Variants in GPC5 observed in about 807,000 individuals in gnomAD.
GPC5 encodes the protein glypican-5.
GPC5 carries 47 observed loss-of-function variants against 53.9 expected under a neutral mutation model. The ratio of observed to expected loss-of-function variants is 0.87; its 90% CI spans 0.69 to 1.11. GPC5 has a LOEUF of 1.11. GPC5 is among the 50% of genes most tolerant of loss of function. The pLI, the probability that GPC5 is intolerant of heterozygous loss-of-function variation, is 0.00. For synonymous variants in GPC5, 286 were observed against 263.3 expected (o/e 1.09, Z -0.84); for missense variants, 748 against 713.1 (o/e 1.05, Z -0.56).
intron 6 of GPC5, among the ~76,000 whole-genome samples, chr13:91,945,614 G>A (rs1024128789): frequency 6.6e-6 from 1 of 152,080 alleles, no homozygotes; most frequent in African/African-American, 2.4e-5. Context: ...TTAATAGCAG[G>A]ACTTTCCTCT....
intron 7 of GPC5, among the ~76,000 whole-genome samples, chr13:92,453,616 A>G (rs562125410): frequency 3.0e-4 from 46 of 152,360 alleles, no homozygotes; most frequent in Non-Finnish European, 6.2e-4. Flanking sequence ...CATTCCTAAT[A>G]TATTCTGAAA....
At chr13:92,580,488 C>A (rs1264153704) in intron 7 of GPC5, among the ~76,000 whole-genome samples, 1 of 152,052 alleles carries the variant, frequency 6.6e-6, no homozygotes, top group African/African-American at 2.4e-5. Context: ...TATATTAAGC[C>A]TTTCTTGCAC....
intron 7 of GPC5, among the ~76,000 whole-genome samples, chr13:92,204,648 T>C (rs988028476): frequency 2.6e-5 from 4 of 152,304 alleles, no homozygotes; most frequent in African/African-American, 9.6e-5. Context: ...TGAAAGCCAT[T>C]ATGCTATTAT....
intron 5 of GPC5, among the ~76,000 whole-genome samples, chr13:91,887,813 C>A (rs1371917456): frequency 3.3e-5 from 5 of 152,168 alleles, no homozygotes; most frequent in Non-Finnish European, 5.9e-5. Flanking sequence ...AGCCATTCAA[C>A]ATGTCTCTAG....
intron 7 of GPC5, among the ~76,000 whole-genome samples, chr13:92,174,768 C>G (rs2042097751): frequency 6.6e-6 from 1 of 151,942 alleles, no homozygotes; most frequent in Admixed American, 6.6e-5. Context: ...AAACAAATAG[C>G]GATGTCATAG....
At chr13:91,443,074 G>A (rs527855117) in intron 1 of GPC5, among the ~76,000 whole-genome samples, 50 of 152,066 alleles carry the variant, frequency 3.3e-4, no homozygotes, top group Non-Finnish European at 6.6e-4. Context: ...TATTTGATTG[G>A]TTGCAATCCA....
chr13:92,111,138 T>C (rs1286670927), intron 6 of GPC5, among the ~76,000 whole-genome samples: 1 of 152,166 alleles, frequency 6.6e-6, no homozygotes, highest in African/African-American at 2.4e-5. Context: ...AGTTCTAATA[T>C]AGAGGCTTCA....
At chr13:92,352,964 T>C (rs1426402766) in intron 7 of GPC5, among the ~76,000 whole-genome samples, 1 of 152,042 alleles carries the variant, frequency 6.6e-6, no homozygotes, top group South Asian at 2.1e-4. Flanking sequence ...CTAGAAACAA[T>C]TGAAATGTGT....
chr13:92,553,484 A>T (rs1205092037), intron 7 of GPC5, among the ~76,000 whole-genome samples: 1 of 151,966 alleles, frequency 6.6e-6, no homozygotes, highest in Non-Finnish European at 1.5e-5. Flanking sequence ...TTATGATACA[A>T]ATCTATACAA....
chr13:92,129,015 A>G (rs1325587540), intron 6 of GPC5, among the ~76,000 whole-genome samples: 2 of 152,280 alleles, frequency 1.3e-5, no homozygotes, highest in East Asian at 1.9e-4. Flanking sequence ...AGCAACTGGG[A>G]GCCAAACTCA....
chr13:91,892,810 T>C (rs548430965), intron 5 of GPC5, among the ~76,000 whole-genome samples: 1 of 151,958 alleles, frequency 6.6e-6, no homozygotes. Context: ...AGTGAGTATC[T>C]GTCACTTAAT....
chr13:92,783,924 C>T (rs1243126466), intron 7 of GPC5, among the ~76,000 whole-genome samples: 1 of 152,124 alleles, frequency 6.6e-6, no homozygotes, highest in African/African-American at 2.4e-5. Flanking sequence ...CATTTTACTT[C>T]TGTTTAAATC....
intron 5 of GPC5, among the ~76,000 whole-genome samples, chr13:91,820,917 C>G (rs1446830918): frequency 6.6e-6 from 1 of 151,056 alleles, no homozygotes; most frequent in Non-Finnish European, 1.5e-5. Flanking sequence ...GAGCTGAGAT[C>G]GTGCCACTGC....
chr13:91,453,044 A>AGAGTCT (rs1555309180), intron 2 of GPC5, among the ~76,000 whole-genome samples: 1 of 78,876 alleles, frequency 1.3e-5, no homozygotes, highest in Non-Finnish European at 2.6e-5. Flanking sequence ...TGTTATTGCT[A>AGAGTCT]GAGTCTAAGT....
chr13:91,398,666 G>A lies in GPC5; in HGVS notation c.-381G>A. On this transcript the variant is annotated 5_prime_UTR_variant, in exon 1 of 8. Coordinates refer to ENST00000377067, the MANE Select transcript of GPC5 (RefSeq NM_004466.6). ...AGCCGAGCCGGGCGGCGGAGGCGGC[G>A]GCGGCGGCGGCAGTGGCGGCAGTGG... The A allele has an allele frequency of 1.1e-5, 1 of 94,270 alleles. No homozygotes were observed. Among genetic ancestry groups the A allele is most frequent in the Non-Finnish European group, 2.3e-5 (1 of 44,168 alleles). The allele number at this position is 94,270 out of a possible 1,614,324, so 5.8% of individuals were successfully genotyped here.
At chr13:92,081,256 C>T (rs947156988) in intron 6 of GPC5, among the ~76,000 whole-genome samples, 3 of 152,096 alleles carry the variant, frequency 2.0e-5, no homozygotes, top group Non-Finnish European at 4.4e-5. Flanking sequence ...CACGCAGCAC[C>T]ATACCTGGCT....
intron 7 of GPC5, among the ~76,000 whole-genome samples, chr13:92,480,989 G>T (rs1201171378): frequency 6.6e-6 from 1 of 152,184 alleles, no homozygotes; most frequent in Non-Finnish European, 1.5e-5. Context: ...CTTGAAGTTG[G>T]AAAAGGCAAA....
At chr13:91,832,407 G>A (rs535802958) in intron 5 of GPC5, among the ~76,000 whole-genome samples, 1 of 150,462 alleles carries the variant, frequency 6.6e-6, no homozygotes, top group Non-Finnish European at 1.5e-5. Context: ...CCTGAATAGA[G>A]TACACTGATG....
rs528607442 is a variant in GPC5, at chr13:91,624,681, G to A, written c.326-68506G>A. On this transcript the variant is annotated intron_variant, in intron 2 of 7. Transcript: ENST00000377067. Reference sequence around the variant, plus strand: ...AAATTTTGCATTTTACAACTTACATGTTTTATCATAATAAAATAAAGTTAG... The same window carrying A: ...AAATTTTGCATTTTACAACTTACATATTTTATCATAATAAAATAAAGTTAG... Among the ~76,000 whole-genome samples the A allele has an allele frequency of 4.6e-5, 7 of 151,994 alleles. No homozygotes were observed. In the South Asian group the frequency reaches 1.2e-3, roughly 27 times the overall value.
Sources: allele counts gnomAD v4.1 joint callset (sites outside exome capture counted in the v4.1 genomes callset), GRCh38; gene constraint gnomAD v4.1.1; transcripts MANE v1.5; gene names NCBI Gene and HGNC (gene_info 2026-07-23, HGNC 2026-07-21).